Variants in ERC2 observed in about 807,000 individuals in gnomAD.
ERC2 encodes the protein ELKS/RAB6-interacting/CAST family member 2.
In ERC2, 42 loss-of-function variants were observed where a neutral mutation model predicts 114.8. That is an observed-to-expected ratio of 0.37 (90% CI 0.29 to 0.47). The LOEUF is 0.47. Ranked by LOEUF, ERC2 falls within the 20% of genes least tolerant of loss-of-function variation. The pLI, the probability that ERC2 is intolerant of heterozygous loss-of-function variation, is 0.99. For missense variants in ERC2, 939 were observed against 1,150.7 expected (o/e 0.82, Z 2.66); for synonymous variants, 454 against 425.5 (o/e 1.07, Z -0.82).
intron 2 of ERC2, among the ~76,000 whole-genome samples, chr3:56,380,060 C>G (rs929754499): frequency 4.6e-5 from 7 of 152,114 alleles, no homozygotes; most frequent in Non-Finnish European, 8.8e-5. Context: ...TAAGGAACAG[C>G]ACTCTACTCT....
intron 14 of ERC2, among the ~76,000 whole-genome samples, chr3:55,836,936 T>G (rs985989535): frequency 9.2e-5 from 14 of 152,252 alleles, no homozygotes; most frequent in African/African-American, 2.9e-4. Flanking sequence ...CATCAAAAAG[T>G]GGGCGAAGGA....
At chr3:55,927,220 T>C (rs913194377) in intron 13 of ERC2, among the ~76,000 whole-genome samples, 1 of 152,194 alleles carries the variant, frequency 6.6e-6, no homozygotes, top group African/African-American at 2.4e-5. Flanking sequence ...TATTTAGGTT[T>C]GTCTTAGATT....
At chr3:56,402,389 C>A (rs2060552487) in intron 2 of ERC2, among the ~76,000 whole-genome samples, 1 of 152,146 alleles carries the variant, frequency 6.6e-6, no homozygotes, top group Admixed American at 6.5e-5. Context: ...ACTGACATGG[C>A]ACAGATGGGC....
intron 13 of ERC2, among the ~76,000 whole-genome samples, chr3:55,926,415 T>TTAAA (rs112688151): frequency 2.9e-4 from 43 of 148,380 alleles, no homozygotes; most frequent in Middle Eastern, 3.5e-3. Context: ...TTTTTGTTTT[T>TTAAA]AAAAAAAAAA....
At chr3:56,130,202 T>C (rs2080121497) in intron 6 of ERC2, among the ~76,000 whole-genome samples, 1 of 152,242 alleles carries the variant, frequency 6.6e-6, no homozygotes, top group East Asian at 1.9e-4. Flanking sequence ...GTATTCCTTC[T>C]TGGCCTTCCT....
At chr3:56,049,513 A>G (rs1160543368) in intron 7 of ERC2, among the ~76,000 whole-genome samples, 2 of 152,198 alleles carry the variant, frequency 1.3e-5, no homozygotes, top group African/African-American at 4.8e-5. Flanking sequence ...GCCAAAGAAG[A>G]TTAACAGTTG....
In ERC2 at chr3:56,259,851, G is replaced by C. The variant is rs193149401; in HGVS notation, c.1074+36168C>G. On this transcript the variant is annotated intron_variant, in intron 3 of 17. Transcript: ENST00000288221. The stretch of plus-strand genomic sequence containing the variant: ...CAAGCTGGGCTGCCTCCCAGCTTTT[G>C]GCTGGATCTATAAAAGGTAAATTCA... Among the ~76,000 whole-genome samples the C allele has an allele frequency of 2.0e-5, 3 of 152,194 alleles. No individual in the cohort carries two copies. The East Asian group carries it at 5.8e-4, about 29-fold the overall frequency.
intron 2 of ERC2, among the ~76,000 whole-genome samples, chr3:56,365,357 T>C (rs1285102651): frequency 1.3e-5 from 2 of 152,262 alleles, no homozygotes; most frequent in Admixed American, 1.3e-4. Context: ...CTATACAGGT[T>C]TGTAGCCTAG....
intron 2 of ERC2, among the ~76,000 whole-genome samples, chr3:56,307,468 T>G (rs548616196): frequency 1.3e-5 from 2 of 152,316 alleles, no homozygotes; most frequent in South Asian, 4.1e-4. Context: ...AGTTTGGTCA[T>G]CTGTAAAGTG....
chr3:55,545,336 G>A (rs2054668414), intron 17 of ERC2, among the ~76,000 whole-genome samples: 1 of 152,178 alleles, frequency 6.6e-6, no homozygotes, highest in African/African-American at 2.4e-5. Flanking sequence ...GACTCCACTG[G>A]GGAGGGATCA....
intron 3 of ERC2, among the ~76,000 whole-genome samples, chr3:56,215,348 C>A (rs2049382280): frequency 6.6e-6 from 1 of 152,158 alleles, no homozygotes; most frequent in Admixed American, 6.5e-5. Flanking sequence ...CAATCCTAGT[C>A]TCTGATAAAA....
At chr3:55,662,246 A>G (rs1479571430) in intron 17 of ERC2, among the ~76,000 whole-genome samples, 2 of 152,286 alleles carry the variant, frequency 1.3e-5, no homozygotes, top group African/African-American at 4.8e-5. Flanking sequence ...ATACTTGCAC[A>G]TACGCCCAAA....
chr3:56,305,558 T>C (rs1004384474), intron 2 of ERC2, among the ~76,000 whole-genome samples: 1 of 130,432 alleles, frequency 7.7e-6, no homozygotes, highest in Admixed American at 7.6e-5. Flanking sequence ...ACACACACTA[T>C]AATAATCATA....
chr3:55,968,469 A>G (rs1348147999), intron 12 of ERC2, among the ~76,000 whole-genome samples: 1 of 152,208 alleles, frequency 6.6e-6, no homozygotes, highest in Non-Finnish European at 1.5e-5. Context: ...ATCTCGATTG[A>G]GCTATTTGCG....
chr3:56,132,776 A>G (rs373667493), intron 6 of ERC2, among the ~76,000 whole-genome samples: 3 of 152,212 alleles, frequency 2.0e-5, no homozygotes, highest in Non-Finnish European at 4.4e-5. Context: ...TTGTTTTTAC[A>G]TAGTGTGCAT....
At chr3:56,264,334 C>A (rs774579612) in intron 3 of ERC2, among the ~76,000 whole-genome samples, 2 of 152,188 alleles carry the variant, frequency 1.3e-5, no homozygotes, top group South Asian at 4.2e-4. Flanking sequence ...TGGTGGCTCA[C>A]GCCTGTAATC....
intron 1 of ERC2, among the ~76,000 whole-genome samples, chr3:56,445,085 T>C (rs970190624): frequency 2.0e-5 from 3 of 152,222 alleles, no homozygotes; most frequent in Admixed American, 6.5e-5. Flanking sequence ...CAGATTCTGA[T>C]GCTTCCTTAA....
chr3:56,007,359 A>G, intron 9 of ERC2, 38 bp from the exon 10 acceptor site: 2 of 1,562,846 alleles, frequency 1.3e-6, no homozygotes, highest in Non-Finnish European at 1.7e-6. Flanking sequence ...AAACACTGAA[A>G]TTTCTACTAG....
At chr3:55,566,340 C>G (rs138701056) in intron 17 of ERC2, among the ~76,000 whole-genome samples, 1 of 152,244 alleles carries the variant, frequency 6.6e-6, no homozygotes. Context: ...GGCAAATAGC[C>G]TGCATGTATC....
Sources: gnomAD v4.1 joint callset for allele counts (sites outside exome capture counted in the v4.1 genomes callset) on GRCh38, gnomAD v4.1.1 for gene constraint, MANE v1.5 for transcripts, NCBI Gene and HGNC (gene_info 2026-07-23, HGNC 2026-07-21) for gene names.